Variants in BRINP3 observed in about 807,000 individuals in gnomAD.
BRINP3 encodes the protein BMP/retinoic acid inducible neural specific 3, also known as BMP/retinoic acid-inducible neural-specific protein 3.
BRINP3 carries 19 observed loss-of-function variants against 71.0 expected under a neutral mutation model. That is an observed-to-expected ratio of 0.27 (90% CI 0.19 to 0.39). The LOEUF is 0.39. BRINP3 is among the 10% of genes least tolerant of loss of function. The probability of loss-of-function intolerance (pLI) is 1.00; values close to 1 mark genes in which losing one functional copy is unlikely to be tolerated. For missense variants in BRINP3, 959 were observed against 940.8 expected, an observed-to-expected ratio of 1.02 and a Z score of -0.25; for synonymous variants, 380 against 337.7, an observed-to-expected ratio of 1.13 and a Z score of -1.37.
At chr1:190,350,594 T>C (rs1256144974) in intron 2 of BRINP3, among the ~76,000 whole-genome samples, 1 of 152,094 alleles carries the variant, frequency 6.6e-6, no homozygotes, top group African/African-American at 2.4e-5. Context: ...AATGAGCTAG[T>C]TTTTCAAACC....
At chr1:190,443,805 T>C (rs1675003612) in intron 2 of BRINP3, among the ~76,000 whole-genome samples, 1 of 152,176 alleles carries the variant, frequency 6.6e-6, no homozygotes, top group Admixed American at 6.5e-5. Context: ...AGAACTTACC[T>C]ACCCTGGCCA....
intron 2 of BRINP3, among the ~76,000 whole-genome samples, chr1:190,433,125 T>C (rs908140825): frequency 2.0e-5 from 3 of 152,160 alleles, no homozygotes; most frequent in Admixed American, 2.0e-4. Flanking sequence ...AAGTTTTTAG[T>C]TTTGTTTTAT....
chr1:190,444,501 A>G (rs1467170746), intron 2 of BRINP3, among the ~76,000 whole-genome samples: 1 of 151,470 alleles, frequency 6.6e-6, no homozygotes. Context: ...ATATAAAAAT[A>G]GTATGCTTTT....
At chr1:190,358,705 A>G (rs972389452) in intron 2 of BRINP3, among the ~76,000 whole-genome samples, 5 of 152,196 alleles carry the variant, frequency 3.3e-5, no homozygotes, top group African/African-American at 2.4e-5. Flanking sequence ...ATAAAGACAC[A>G]TGACACGTAT....
At chr1:190,409,228 C>G (rs1672497225) in intron 2 of BRINP3, among the ~76,000 whole-genome samples, 1 of 151,812 alleles carries the variant, frequency 6.6e-6, no homozygotes, top group Non-Finnish European at 1.5e-5. Context: ...ACAGTAAGAC[C>G]CTGTCTCTAA....
chr1:190,253,448 CT>C (rs1408892011), intron 4 of BRINP3, among the ~76,000 whole-genome samples: 1 of 152,126 alleles, frequency 6.6e-6, no homozygotes, highest in Non-Finnish European at 1.5e-5. Context: ...TGTTTCCTGA[CT>C]TTTTAATGAT....
chr1:190,421,563 G>T (rs1279371516), intron 2 of BRINP3, among the ~76,000 whole-genome samples: 1 of 151,508 alleles, frequency 6.6e-6, no homozygotes, highest in Non-Finnish European at 1.5e-5. Flanking sequence ...CCTATGTTAT[G>T]AATATCGGCA....
rs377692546 is a variant in BRINP3, at chr1:190,149,577, C to T, written c.1184+11091G>A. Among the ~76,000 whole-genome samples the T allele has an allele frequency of 1.4e-4, 21 of 151,676 alleles. No homozygotes were observed. In the East Asian group the frequency reaches 1.6e-3, roughly 11 times the overall value. ...GGGAGCATGTACGTTTTTGTATACA[C>T]GTCTCAGTGCGTGCGTGTTAGTGTG... is the stretch of plus-strand genomic sequence containing the variant. On this transcript the variant is annotated intron_variant, in intron 7 of 7. Coordinates refer to ENST00000367462, the MANE Select transcript of BRINP3 (RefSeq NM_199051.3).
intron 2 of BRINP3, among the ~76,000 whole-genome samples, chr1:190,398,629 T>C (rs560361061): frequency 1.4e-4 from 22 of 152,108 alleles, no homozygotes; most frequent in African/African-American, 4.8e-4. Flanking sequence ...TCTCTAAAAA[T>C]CTCCTGAAAC....
intron 7 of BRINP3, among the ~76,000 whole-genome samples, chr1:190,111,891 G>A (rs1027760207): frequency 1.3e-5 from 2 of 152,090 alleles, no homozygotes; most frequent in Non-Finnish European, 2.9e-5. Flanking sequence ...GAGTGTTCCA[G>A]GGCTGAAACA....
At chr1:190,430,700 C>G (rs1052771035) in intron 2 of BRINP3, among the ~76,000 whole-genome samples, 3 of 152,142 alleles carry the variant, frequency 2.0e-5, no homozygotes, top group African/African-American at 4.8e-5. Context: ...TTCTCAAAGA[C>G]ATTCAAAGAT....
At chr1:190,459,960 C>T (rs1372326683) in intron 1 of BRINP3, among the ~76,000 whole-genome samples, 1 of 151,704 alleles carries the variant, frequency 6.6e-6, no homozygotes, top group Non-Finnish European at 1.5e-5. Flanking sequence ...CTGTCTCTCT[C>T]CCTCTCATAA....
At chr1:190,443,007 G>T (rs1490507019) in intron 2 of BRINP3, among the ~76,000 whole-genome samples, 1 of 150,630 alleles carries the variant, frequency 6.6e-6, no homozygotes, top group South Asian at 2.1e-4. Context: ...CTGCCTCCCG[G>T]GTTCAAGTGA....
intron 6 of BRINP3, among the ~76,000 whole-genome samples, chr1:190,199,598 A>AT (rs1360180035): frequency 3.3e-5 from 5 of 151,926 alleles, no homozygotes; most frequent in African/African-American, 7.2e-5. Context: ...AAACCAAAAC[A>AT]TTTTCTTGTG....
At chr1:190,365,537 G>A (rs1009181428) in intron 2 of BRINP3, among the ~76,000 whole-genome samples, 19 of 146,074 alleles carry the variant, frequency 1.3e-4, no homozygotes, top group African/African-American at 4.5e-4. Context: ...ATAATGTGAT[G>A]TACATTTAAT....
chr1:190,254,687 G>A (rs999692378), intron 4 of BRINP3, among the ~76,000 whole-genome samples: 4 of 152,114 alleles, frequency 2.6e-5, no homozygotes, highest in African/African-American at 9.7e-5. Flanking sequence ...AGACGATGGG[G>A]TTTTCTAAAT....
chr1:190,130,112 G>T (rs1055668181), intron 7 of BRINP3, among the ~76,000 whole-genome samples: 2 of 151,944 alleles, frequency 1.3e-5, no homozygotes, highest in South Asian at 4.1e-4. Context: ...TCTGACTTTT[G>T]ATGTGTTTCT....
chr1:190,298,093 A>G (rs1183800045), intron 2 of BRINP3, among the ~76,000 whole-genome samples: 1 of 152,062 alleles, frequency 6.6e-6, no homozygotes, highest in Non-Finnish European at 1.5e-5. Context: ...GGTCAGCTTA[A>G]TATGAGTTGT....
intron 5 of BRINP3, 70 bp downstream of exon 5, chr1:190,234,302 G>T: frequency 8.5e-7 from 1 of 1,175,524 alleles, no homozygotes; most frequent in Non-Finnish European, 1.2e-6. Flanking sequence ...TTTAAAAAAT[G>T]GAAAAGAAAT....
Sources: gnomAD v4.1 joint callset for allele counts (sites outside exome capture counted in the v4.1 genomes callset) on GRCh38, gnomAD v4.1.1 for gene constraint, MANE v1.5 for transcripts, NCBI Gene and HGNC (gene_info 2026-07-23, HGNC 2026-07-21) for gene names.